Variants in SRSF10 observed in about 807,000 individuals in gnomAD.
SRSF10 encodes serine/arginine-rich splicing factor 10.
Under a neutral mutation model 32.6 loss-of-function variants are expected in SRSF10, and 9 were observed. The observed-to-expected ratio is 0.28, with a 90% CI of 0.17 to 0.48. The LOEUF (loss-of-function observed/expected upper bound fraction) is 0.48. SRSF10 is among the 20% of genes least tolerant of loss of function. The pLI is 0.99. For synonymous variants in SRSF10, 105 were observed against 112.4 expected, an observed-to-expected ratio of 0.93 and a Z score of 0.42; for missense variants, 201 against 331.8, an observed-to-expected ratio of 0.61 and a Z score of 3.06.
At chr1:23,979,910 T>TG (rs2148515657) in intron 1 of SRSF10, among the ~76,000 whole-genome samples, 1 of 148,374 alleles carries the variant, frequency 6.7e-6, no homozygotes, top group East Asian at 2.0e-4. Context: ...GGCGGGGGGC[T>TG]GCTCGCGCCG....
chr1:23,971,729 ATTTT>A (rs1420027265), intron 4 of SRSF10, 103 bp from the exon 5 acceptor site: 17 of 1,509,480 alleles, frequency 1.1e-5, no homozygotes, highest in Non-Finnish European at 1.4e-5. Context: ...ATGCTACAGT[ATTTT>A]TTGTCTCAAT....
rs1641504842 is a variant in SRSF10, at chr1:23,967,412, C to A, written c.*3730G>T. 2.6e-6 allele frequency: 1 copy of A among 381,318 alleles called. No individual in the cohort carries two copies. Among genetic ancestry groups the A allele is most frequent in the African/African-American group, 2.0e-5 (1 of 48,798 alleles). 23.6% of individuals were successfully genotyped at this position (381,318 alleles called of 1,614,324 possible). ...CAATAATTTATTATGGACCTGTTACCCATGAATCAATATAAACCTATTCAT... is the reference window on the plus strand; with the variant it reads ...CAATAATTTATTATGGACCTGTTACACATGAATCAATATAAACCTATTCAT... On this transcript the variant is annotated 3_prime_UTR_variant, in exon 6 of 6. Coordinates refer to ENST00000492112, the MANE Select transcript of SRSF10 (RefSeq NM_054016.4).
Position 23,980,312 on chromosome 1 carries a change from C to T in SRSF10, c.-57G>A. On this transcript the variant is annotated 5_prime_UTR_variant, in exon 1 of 6. Transcript: ENST00000492112. ...CGGGCTCAGCAAACCGTCCGCGGCT[C>T]AGGCGGCCGAGCCTCAGACACACAC... 1.4e-6 allele frequency: 2 copies of T among 1,382,530 alleles called. No individual in the cohort carries two copies. The highest frequency in any genetic ancestry group is 3.1e-5 in the East Asian group (1 of 32,764). 85.6% of individuals were successfully genotyped at this position (1,382,530 alleles called of 1,614,324 possible).
Position 23,967,802 on chromosome 1 carries a change from T to C in SRSF10, c.*3340A>G, listed in dbSNP as rs1297355287. On this transcript the variant is annotated 3_prime_UTR_variant, in exon 6 of 6. Transcript: ENST00000492112. ...GTATACAGGATTTTGTTAGTTGAAC[T>C]GGATGTAGCAGCTTACTGGGCCAAA... 1 of 1,587,982 alleles carries C rather than the reference T, an allele frequency of 6.3e-7. No individual in the cohort carries two copies. Among genetic ancestry groups the C allele is most frequent in the African/African-American group, 1.4e-5 (1 of 73,858 alleles).
intron 1 of SRSF10, among the ~76,000 whole-genome samples, chr1:23,979,115 A>G (rs1313424027): frequency 4.7e-5 from 7 of 149,676 alleles, no homozygotes; most frequent in African/African-American, 1.7e-4. Context: ...TCTGAAAAAT[A>G]CCAAGCACTT....
At position 23,970,816 on chromosome 1, in the gene SRSF10, A is replaced by G; in HGVS notation, c.*326T>C. The G allele has an allele frequency of 2.8e-6, 3 of 1,075,298 alleles. No individual in the cohort carries two copies. The highest frequency in any genetic ancestry group is 3.4e-6 in the Non-Finnish European group (3 of 888,012). 66.6% of individuals were successfully genotyped at this position (1,075,298 alleles called of 1,614,324 possible). A position where few individuals can be genotyped will look rare whatever the true frequency, so the allele number is the denominator to read the frequency against. The stretch of plus-strand genomic sequence containing the variant: ...AACAGTTCTACCAAATATGAATATG[A>G]AAGTTTATTTTTAATGAGACAATGT... On this transcript the variant is annotated 3_prime_UTR_variant, in exon 6 of 6. Transcript: ENST00000492112.
intron 2 of SRSF10, chr1:23,976,549 A>G (rs947345393): frequency 1.3e-5 from 2 of 152,238 alleles, no homozygotes; most frequent in African/African-American, 2.4e-5. Flanking sequence ...TAATGGGTAC[A>G]CTACTTTGTT....
chr1:23,974,861 A>T, intron 3 of SRSF10, 113 bp downstream of exon 3: 1 of 802,298 alleles, frequency 1.2e-6, no homozygotes, highest in South Asian at 1.6e-5. Context: ...AAGAAAGAAA[A>T]AAAAGATCCC....
At chr1:23,971,720 T>C (rs1641766007) in intron 4 of SRSF10, 94 bp from the exon 5 acceptor site, 3 of 1,518,976 alleles carry the variant, frequency 2.0e-6, no homozygotes, top group South Asian at 2.4e-5. Context: ...TAAAATAAAA[T>C]GCTACAGTAT....
chr1:23,969,233 C>T lies in SRSF10; in HGVS notation c.*1909G>A, dbSNP rs1167732289. 3.0e-6 allele frequency: 3 copies of T among 985,174 alleles called. No homozygotes were observed. Among genetic ancestry groups the T allele is most frequent in the African/African-American group, 1.7e-5 (1 of 57,236 alleles). 61.0% of individuals were successfully genotyped at this position (985,174 alleles called of 1,614,324 possible). A position where few individuals can be genotyped will look rare whatever the true frequency, so the allele number is the denominator to read the frequency against. On this transcript the variant is annotated 3_prime_UTR_variant, in exon 6 of 6. Transcript: ENST00000492112. ...TATAAAAATACCTTTTTAGAAGCCT[C>T]TATAAGAAAGAAAATACAAAGTTTA...
At position 23,969,727 on chromosome 1, in the gene SRSF10, A is replaced by C. The variant is rs1157167219; in HGVS notation, c.*1415T>G. On this transcript the variant is annotated 3_prime_UTR_variant, in exon 6 of 6. Transcript: ENST00000492112. ...TTTCAGAGAAATACTAGAAATTATA[A>C]ATGGTTTAAGGGTATTACTTCATTT... 6 of 985,248 alleles carry C rather than the reference A, an allele frequency of 6.1e-6. No individual in the cohort carries two copies. The African/African-American group carries it at 1.0e-4, about 17-fold the overall frequency. The allele number at this position is 985,248 out of a possible 1,614,324, so 61.0% of individuals were successfully genotyped here. A position where few individuals can be genotyped will look rare whatever the true frequency, so the allele number is the denominator to read the frequency against.
chr1:23,971,144 A>G lies in SRSF10; in HGVS notation c.787T>C (p.Ter263ArgextTer1). 6.2e-7 allele frequency: 1 copy of G among 1,603,280 alleles called. No individual in the cohort carries two copies. The highest frequency in any genetic ancestry group is 1.1e-5 in the South Asian group (1 of 88,812). ...AAAAATGACCATGGTTTATACTATCAGTGGCCACTGGACTTAGGACTAGTC... is the reference window on the plus strand; with the variant it reads ...AAAAATGACCATGGTTTATACTATCGGTGGCCACTGGACTTAGGACTAGTC... ...SWTSPKSSGH[*>R] is the part of the protein sequence containing the mutation. Residue 263 changes from the stop codon to arginine, a stop_lost, in exon 6 of 6, where the codon TGA (stop) becomes CGA (arginine). Coordinates refer to ENST00000492112, the MANE Select transcript of SRSF10 (RefSeq NM_054016.4).
At chr1:23,978,623 A>C (rs996912197) in intron 2 of SRSF10, 90 bp downstream of exon 2, 27 of 1,444,400 alleles carry the variant, frequency 1.9e-5, no homozygotes, top group Non-Finnish European at 2.4e-5. Flanking sequence ...AGAGGACAAA[A>C]AGAACTACTT....
intron 2 of SRSF10, chr1:23,976,026 C>T (rs1642063838): frequency 6.6e-6 from 1 of 152,198 alleles, no homozygotes; most frequent in African/African-American, 2.4e-5. Context: ...AAACCTAGCT[C>T]CTTTCCTAAA....
chr1:23,975,977 T>C (rs1295261364), intron 2 of SRSF10: 1 of 152,208 alleles, frequency 6.6e-6, no homozygotes, highest in East Asian at 1.9e-4. Flanking sequence ...TCAGCAATAA[T>C]ACTACGAGAA....
rs890411047 is a variant in SRSF10, at chr1:23,967,596, A to G, written c.*3546T>C. On this transcript the variant is annotated 3_prime_UTR_variant, in exon 6 of 6. Transcript: ENST00000492112. Reference sequence around the variant, plus strand: ...GAGTCAAAATATTCGTACAGTATTCATACTGCAGCACCTTCCACCCACCCT... The same window carrying G: ...GAGTCAAAATATTCGTACAGTATTCGTACTGCAGCACCTTCCACCCACCCT... The G allele has an allele frequency of 5.5e-5, 48 of 876,784 alleles. No homozygotes were observed. The African/African-American group carries it at 7.5e-4, about 14-fold the overall frequency. 54.3% of individuals were successfully genotyped at this position (876,784 alleles called of 1,614,324 possible).
chr1:23,967,976 A>T lies in SRSF10; in HGVS notation c.*3166T>A. 1 of 1,520,916 alleles carries T rather than the reference A, an allele frequency of 6.6e-7. No individual in the cohort carries two copies. The highest frequency in any genetic ancestry group is 8.8e-7 in the Non-Finnish European group (1 of 1,132,440). 94.2% of individuals were successfully genotyped at this position (1,520,916 alleles called of 1,614,324 possible). On this transcript the variant is annotated 3_prime_UTR_variant, in exon 6 of 6. Coordinates refer to ENST00000492112, the MANE Select transcript of SRSF10 (RefSeq NM_054016.4). The stretch of plus-strand genomic sequence containing the variant: ...ACTTGGCTTCAAAAAAAAAAAAAAA[A>T]TGCAGAGAGATCTTAAGTAAAAGGA...
chr1:23,978,920 A>G, intron 1 of SRSF10, 103 bp from the exon 2 acceptor site: 1 of 1,042,948 alleles, frequency 9.6e-7, no homozygotes, highest in East Asian at 2.5e-5. Context: ...AAGAATTTGG[A>G]AGATAAAAAT....
At position 23,969,826 on chromosome 1, in the gene SRSF10, C is replaced by T. The variant is rs1424931680; in HGVS notation, c.*1316G>A. 2 of 985,318 alleles carry T rather than the reference C, an allele frequency of 2.0e-6. No individual in the cohort carries two copies. Among genetic ancestry groups the T allele is most frequent in the Non-Finnish European group, 1.2e-6 (1 of 829,898 alleles). The allele number at this position is 985,318 out of a possible 1,614,324, so 61.0% of individuals were successfully genotyped here. On this transcript the variant is annotated 3_prime_UTR_variant, in exon 6 of 6. Transcript: ENST00000492112. ...TGCTTAAAACTGACTAATCCTTTTC[C>T]CCAAATTACCTTAAATTTCATGGCA...
Sources: gnomAD v4.1 joint callset for allele counts (sites outside exome capture counted in the v4.1 genomes callset) on GRCh38, gnomAD v4.1.1 for gene constraint, MANE v1.5 for transcripts, NCBI Gene and HGNC (gene_info 2026-07-23, HGNC 2026-07-21) for gene names.